Variants in FANCC observed in about 807,000 individuals in gnomAD.
FANCC encodes Fanconi anemia group C protein.
Under a neutral mutation model 71.3 loss-of-function variants are expected in FANCC, and 55 were observed. The ratio of observed to expected loss-of-function variants is 0.77; its 90% CI spans 0.62 to 0.97. The LOEUF is 0.97. FANCC is among the 50% of genes least tolerant of loss of function. The pLI, the probability that FANCC is intolerant of heterozygous loss-of-function variation, is 0.00. For synonymous variants in FANCC, 275 were observed against 244.9 expected (o/e 1.12, Z -1.15); for missense variants, 678 against 670.9 (o/e 1.01, Z -0.12).
At chr9:95,147,250 G>C (rs1055255434) in intron 7 of FANCC, among the ~76,000 whole-genome samples, 1 of 152,168 alleles carries the variant, frequency 6.6e-6, no homozygotes, top group Non-Finnish European at 1.5e-5. Flanking sequence ...TGGCGCAGTG[G>C]CTCACGCCTG....
chr9:95,282,847 A>C (rs1833452765), intron 1 of FANCC, among the ~76,000 whole-genome samples: 1 of 152,208 alleles, frequency 6.6e-6, no homozygotes, highest in African/African-American at 2.4e-5. Flanking sequence ...TTAATGAATA[A>C]ATTTAAAGAG....
At chr9:95,232,211 C>G (rs776661683) in intron 4 of FANCC, among the ~76,000 whole-genome samples, 2 of 152,160 alleles carry the variant, frequency 1.3e-5, no homozygotes, top group Non-Finnish European at 2.9e-5. Context: ...ACTAGTAGTA[C>G]CAGGGGGATG....
chr9:95,232,301 T>C (rs943456880), intron 4 of FANCC, among the ~76,000 whole-genome samples: 5 of 152,116 alleles, frequency 3.3e-5, no homozygotes, highest in African/African-American at 1.2e-4. Flanking sequence ...ACATTGGAGA[T>C]TACAATTCAA....
chr9:95,184,260 C>T (rs756586686), intron 4 of FANCC, among the ~76,000 whole-genome samples: 5 of 151,708 alleles, frequency 3.3e-5, no homozygotes, highest in South Asian at 4.2e-4. Flanking sequence ...ATCAAAATGC[C>T]CAAACTGACT....
chr9:95,199,698 C>G (rs944037391), intron 4 of FANCC, among the ~76,000 whole-genome samples: 5 of 152,208 alleles, frequency 3.3e-5, no homozygotes, highest in Non-Finnish European at 5.9e-5. Flanking sequence ...CCACCAGAGG[C>G]TCCTGGTTTC....
intron 4 of FANCC, among the ~76,000 whole-genome samples, chr9:95,227,016 T>C (rs1487854566): frequency 6.6e-6 from 1 of 152,122 alleles, no homozygotes; most frequent in Non-Finnish European, 1.5e-5. Flanking sequence ...GCTAAACTTT[T>C]TCCTCTGCAC....
chr9:95,116,627 A>G lies in FANCC; in HGVS notation c.1072+688T>C, dbSNP rs1181469234. Among the ~76,000 whole-genome samples the G allele has an allele frequency of 7.9e-5, 12 of 152,270 alleles. No homozygotes were observed. The South Asian group carries it at 2.5e-3, about 32-fold the overall frequency. ...TGGCGCAGTCTGTGCCCATGTCAGG[A>G]CTGCCTTCCATCAGGTTTCAGGCCT... On this transcript the variant is annotated intron_variant, in intron 11 of 14. Transcript: ENST00000289081.
intron 10 of FANCC, chr9:95,123,262 C>A (rs983490892): frequency 7.2e-6 from 2 of 276,776 alleles, no homozygotes; most frequent in East Asian, 2.2e-4. Context: ...CATGATCATA[C>A]CACTGCACTC....
chr9:95,169,802 C>G (rs1825549335), intron 6 of FANCC, among the ~76,000 whole-genome samples: 1 of 152,162 alleles, frequency 6.6e-6, no homozygotes, highest in African/African-American at 2.4e-5. Context: ...AGGTCTAGGA[C>G]TTCCTATTCT....
chr9:95,291,711 GC>G (rs1371109005), intron 1 of FANCC, among the ~76,000 whole-genome samples: 1 of 151,900 alleles, frequency 6.6e-6, no homozygotes, highest in Admixed American at 6.6e-5. Context: ...ACTTTGGGAG[GC>G]CGAGGCAGGT....
At chr9:95,144,430 G>C (rs1173126862) in intron 7 of FANCC, among the ~76,000 whole-genome samples, 1 of 152,238 alleles carries the variant, frequency 6.6e-6, no homozygotes, top group African/African-American at 2.4e-5. Flanking sequence ...TTACAAGCAA[G>C]GGAGTGTGGG....
chr9:95,106,498 C>A (rs1312218662), intron 14 of FANCC, among the ~76,000 whole-genome samples: 1 of 152,156 alleles, frequency 6.6e-6, no homozygotes, highest in Admixed American at 6.5e-5. Flanking sequence ...TGTTTTCTTT[C>A]ATTGCTGTGC....
chr9:95,293,917 G>A, intron 1 of FANCC: 15 of 1,594,156 alleles, frequency 9.4e-6, no homozygotes, highest in Non-Finnish European at 1.3e-5. Flanking sequence ...ATCATATAAT[G>A]TTGCTACAAG....
At chr9:95,202,747 T>C (rs1012880321) in intron 4 of FANCC, among the ~76,000 whole-genome samples, 4 of 152,224 alleles carry the variant, frequency 2.6e-5, no homozygotes, top group African/African-American at 9.6e-5. Context: ...TTTTGCCAGT[T>C]ACATTCTTTT....
intron 11 of FANCC, 112 bp downstream of exon 11, chr9:95,117,203 A>G (rs1366218431): frequency 5.3e-6 from 5 of 943,734 alleles, no homozygotes; most frequent in African/African-American, 1.6e-5. Context: ...CTTAGAAATA[A>G]CCAGTTCTGT....
chr9:95,292,826 G>A (rs1834131460), intron 1 of FANCC: 19 of 1,582,560 alleles, frequency 1.2e-5, no homozygotes, highest in Non-Finnish European at 1.6e-5. Context: ...CTGAGAAGAA[G>A]CACAAATGTA....
chr9:95,225,700 T>G (rs984779563), intron 4 of FANCC, among the ~76,000 whole-genome samples: 1 of 152,090 alleles, frequency 6.6e-6, no homozygotes, highest in Non-Finnish European at 1.5e-5. Context: ...AGAAACAATC[T>G]GATACAATTA....
At chr9:95,236,759 A>T (rs768730191) in intron 4 of FANCC, among the ~76,000 whole-genome samples, 3 of 152,228 alleles carry the variant, frequency 2.0e-5, no homozygotes, top group Admixed American at 6.5e-5. Context: ...TACCACAATT[A>T]GAACATCCTA....
At chr9:95,218,369 G>A (rs890986761) in intron 4 of FANCC, among the ~76,000 whole-genome samples, 3 of 152,192 alleles carry the variant, frequency 2.0e-5, no homozygotes, top group Admixed American at 6.5e-5. Context: ...GTAGGCTGAG[G>A]TGGGAGGACT....
Sources: allele counts gnomAD v4.1 joint callset (sites outside exome capture counted in the v4.1 genomes callset), GRCh38; gene constraint gnomAD v4.1.1; transcripts MANE v1.5; gene names NCBI Gene and HGNC (gene_info 2026-07-23, HGNC 2026-07-21).